The following COL4A1 variants were observed in gnomAD, a reference collection of about 807,000 sequenced individuals.
COL4A1 encodes the protein collagen alpha-1(IV) chain.
A neutral mutation model predicts 216.6 loss-of-function variants in COL4A1; 40 were observed. The observed-to-expected ratio is 0.18, with a 90% CI of 0.14 to 0.24. COL4A1 has a LOEUF of 0.24. COL4A1 is among the 10% of genes least tolerant of loss of function. The pLI is 1.00. For synonymous variants in COL4A1, 839 were observed against 810.7 expected, an observed-to-expected ratio of 1.03 and a Z score of -0.59; for missense variants, 1,628 against 2,196.8, an observed-to-expected ratio of 0.74 and a Z score of 5.18.
At position 110,209,323 on chromosome 13, in the gene COL4A1, G is replaced by A. The variant is rs7332120; in HGVS notation, c.651+69C>T. 350,976 of 1,378,090 alleles carry A rather than the reference G, an allele frequency of 0.25. 47,536 individuals carry two copies. The highest frequency in any genetic ancestry group is 0.32 in the Admixed American group (17,301 of 53,448). The allele number at this position is 1,378,090 out of a possible 1,614,324, so 85.4% of individuals were successfully genotyped here. ...TTTAGAGACTGAAAGAATAAGAAGA[G>A]TGAGCTATAGCAATTTCATGATAGC... On this transcript the variant is annotated intron_variant, in intron 11 of 51. Coordinates refer to ENST00000375820, the MANE Select transcript of COL4A1 (RefSeq NM_001845.6).
At chr13:110,155,158 G>A in intron 50 of COL4A1, 125 bp downstream of exon 50, 1 of 767,480 alleles carries the variant, frequency 1.3e-6, no homozygotes, top group African/African-American at 1.7e-5. Context: ...ATGGTTGGAG[G>A]AAGAAGGAGG....
At chr13:110,259,456 T>C (rs1594098523) in intron 1 of COL4A1, among the ~76,000 whole-genome samples, 1 of 152,222 alleles carries the variant, frequency 6.6e-6, no homozygotes, top group Non-Finnish European at 1.5e-5. Context: ...AAACACAAGA[T>C]GGGAAATCTT....
intron 2 of COL4A1, among the ~76,000 whole-genome samples, chr13:110,236,197 C>T (rs181218183): frequency 4.6e-5 from 7 of 152,258 alleles, no homozygotes; most frequent in Non-Finnish European, 8.8e-5. Flanking sequence ...CTCCTTATCA[C>T]GTAGACATTG....
chr13:110,189,644 A>G (rs1878547561), intron 24 of COL4A1, among the ~76,000 whole-genome samples: 2 of 152,188 alleles, frequency 1.3e-5, no homozygotes, highest in Admixed American at 6.5e-5. Context: ...GAGTCATGGA[A>G]AATTTGTTAT....
At chr13:110,238,433 T>C (rs664445) in intron 2 of COL4A1, among the ~76,000 whole-genome samples, 149,104 of 152,354 alleles carry the variant, frequency 0.98, 73,057 homozygotes, top group Middle Eastern at 1. Flanking sequence ...TGTCTTCACA[T>C]GTACGTGTGA....
rs138680551 is a variant in COL4A1, at chr13:110,194,365, C to T, written c.1381+658G>A. On this transcript the variant is annotated intron_variant, in intron 22 of 51. Coordinates refer to ENST00000375820, the MANE Select transcript of COL4A1 (RefSeq NM_001845.6). ...GACAGCCTCCTATTTGTCCTACTCTCGGGTTACTAACAGGCATATAAATAT... is the reference window on the plus strand; with the variant it reads ...GACAGCCTCCTATTTGTCCTACTCTTGGGTTACTAACAGGCATATAAATAT... Among the ~76,000 whole-genome samples the T allele has an allele frequency of 5.6e-3, 850 of 152,286 alleles. 8 individuals carry two copies. The highest frequency in any genetic ancestry group is 0.019 in the African/African-American group (785 of 41,544).
At chr13:110,163,432 G>A (rs372602087) in intron 47 of COL4A1, 31 bp downstream of exon 47, 44 of 1,596,378 alleles carry the variant, frequency 2.8e-5, no homozygotes, top group Non-Finnish European at 3.5e-5. Flanking sequence ...TCCTGGTCAA[G>A]GGTAATTACG....
chr13:110,253,231 A>ATGTAAC (rs1882270407), intron 1 of COL4A1, among the ~76,000 whole-genome samples: 1 of 133,424 alleles, frequency 7.5e-6, no homozygotes, highest in Non-Finnish European at 1.6e-5. Flanking sequence ...TTATATATAC[A>ATGTAAC]TATAATTAGG....
At chr13:110,289,591 G>A (rs1884000224) in intron 1 of COL4A1, among the ~76,000 whole-genome samples, 1 of 152,168 alleles carries the variant, frequency 6.6e-6, no homozygotes, top group Non-Finnish European at 1.5e-5. Context: ...ACTCCAAGTC[G>A]GTGCCCTTGC....
intron 1 of COL4A1, among the ~76,000 whole-genome samples, chr13:110,260,100 T>G (rs988389219): frequency 3.3e-5 from 5 of 152,136 alleles, no homozygotes; most frequent in Non-Finnish European, 7.4e-5. Context: ...TAGTCTGTTC[T>G]CACACTGCTA....
Position 110,150,455 on chromosome 13 carries a change from A to T in COL4A1, c.4929-11T>A. 6.2e-7 allele frequency: 1 copy of T among 1,613,570 alleles called. No homozygotes were observed. The highest frequency in any genetic ancestry group is 8.5e-7 in the Non-Finnish European group (1 of 1,179,722). ...GACGGCGTAGGCTTCCTAAAACACG[A>T]CACAGAGACAGACCATTGGCCATCA... is the stretch of plus-strand genomic sequence containing the variant. On this transcript the variant is annotated splice_polypyrimidine_tract_variant and intron_variant, in intron 51 of 51. Transcript: ENST00000375820.
chr13:110,185,635 CGT>C (rs1878368679), intron 26 of COL4A1, among the ~76,000 whole-genome samples: 1 of 152,208 alleles, frequency 6.6e-6, no homozygotes, highest in Non-Finnish European at 1.5e-5. Flanking sequence ...GAAGAACAGG[CGT>C]GCTCCATGTC....
At chr13:110,174,038 T>C in intron 39 of COL4A1, 40 bp from the exon 40 acceptor site, 8 of 1,605,144 alleles carry the variant, frequency 5.0e-6, no homozygotes, top group Non-Finnish European at 6.8e-6. Context: ...GCATAACCTC[T>C]CACAGCACCC....
chr13:110,245,085 G>A (rs1312539811), intron 1 of COL4A1, among the ~76,000 whole-genome samples: 2 of 152,126 alleles, frequency 1.3e-5, no homozygotes, highest in Non-Finnish European at 2.9e-5. Context: ...GTGCACAACA[G>A]CACTGTGGGA....
Position 110,203,747 on chromosome 13 carries a change from A to T in COL4A1, c.958-140T>A, listed in dbSNP as rs7327728. The T allele has an allele frequency of 0.04, 34,360 of 854,052 alleles. 3,627 individuals carry two copies. Among genetic ancestry groups the T allele is most frequent in the African/African-American group, 0.34 (20,051 of 59,444 alleles). 52.9% of individuals were successfully genotyped at this position (854,052 alleles called of 1,614,324 possible). On this transcript the variant is annotated intron_variant, in intron 17 of 51. Transcript: ENST00000375820. ...TATTTTTCTCTCTTTAATATCTCTC[A>T]TTCTGTGACGATTACAACAAAAATG...
intron 48 of COL4A1, 82 bp downstream of exon 48, chr13:110,162,148 G>T: frequency 2.3e-6 from 3 of 1,279,164 alleles, no homozygotes; most frequent in Non-Finnish European, 2.3e-6. Context: ...CACTGCAGCA[G>T]CAGAGGCGAG....
At chr13:110,163,887 T>C (rs1477867856) in intron 46 of COL4A1, among the ~76,000 whole-genome samples, 1 of 152,176 alleles carries the variant, frequency 6.6e-6, no homozygotes, top group East Asian at 1.9e-4. Context: ...CTCAGCCATA[T>C]ACTGGGGTCT....
chr13:110,256,681 T>C (rs1478663187), intron 1 of COL4A1, among the ~76,000 whole-genome samples: 1 of 152,114 alleles, frequency 6.6e-6, no homozygotes, highest in Admixed American at 6.6e-5. Context: ...AGGTCGGCCA[T>C]GGGGTGAGGG....
At chr13:110,152,262 G>A (rs558199826) in intron 51 of COL4A1, 72 bp downstream of exon 51, 35 of 1,590,932 alleles carry the variant, frequency 2.2e-5, no homozygotes, top group African/African-American at 2.0e-4. Context: ...AAGGTGTTAC[G>A]GATCGCGGAT....
Sources: allele counts gnomAD v4.1 joint callset (sites outside exome capture counted in the v4.1 genomes callset), GRCh38; gene constraint gnomAD v4.1.1; transcripts MANE v1.5; gene names NCBI Gene and HGNC (gene_info 2026-07-23, HGNC 2026-07-21).